The following ARHGAP31 variants were observed in gnomAD, a reference collection of about 807,000 sequenced individuals.
ARHGAP31 encodes Rho GTPase activating protein 31.
Under a neutral mutation model 113.9 loss-of-function variants are expected in ARHGAP31, and 34 were observed. The ratio of observed to expected loss-of-function variants is 0.30; its 90% CI spans 0.23 to 0.40. The LOEUF is 0.40. Ranked by LOEUF, ARHGAP31 falls within the 10% of genes least tolerant of loss-of-function variation. ARHGAP31 has a pLI of 1.00. For synonymous variants in ARHGAP31, 650 were observed against 684.8 expected, an observed-to-expected ratio of 0.95 and a Z score of 0.79; for missense variants, 1,548 against 1,767.1, an observed-to-expected ratio of 0.88 and a Z score of 2.22.
At chr3:119,337,158 G>C (rs114009754) in intron 1 of ARHGAP31, among the ~76,000 whole-genome samples, 1 of 152,132 alleles carries the variant, frequency 6.6e-6, no homozygotes, top group Non-Finnish European at 1.5e-5. Flanking sequence ...ATGAAGCCGC[G>C]GACCCTGGCA....
intron 1 of ARHGAP31, among the ~76,000 whole-genome samples, chr3:119,346,519 C>T (rs1049326841): frequency 6.6e-6 from 1 of 152,232 alleles, no homozygotes; most frequent in Non-Finnish European, 1.5e-5. Context: ...ATTGAACTAA[C>T]TAGACTGTAA....
chr3:119,385,419 C>T (rs896547871), intron 6 of ARHGAP31, among the ~76,000 whole-genome samples: 1 of 152,048 alleles, frequency 6.6e-6, no homozygotes, highest in African/African-American at 2.4e-5. Flanking sequence ...TTCACATACA[C>T]GTTTTTGTTT....
chr3:119,321,007 C>T (rs993988913), intron 1 of ARHGAP31, among the ~76,000 whole-genome samples: 12 of 152,134 alleles, frequency 7.9e-5, no homozygotes, highest in Non-Finnish European at 1.5e-4. Flanking sequence ...TCCACCATGA[C>T]TTGTGGCCTC....
chr3:119,378,977 C>T (rs370650821), intron 3 of ARHGAP31, among the ~76,000 whole-genome samples: 3 of 152,360 alleles, frequency 2.0e-5, no homozygotes, highest in South Asian at 4.1e-4. Context: ...CCCAGTCCCA[C>T]GTTTCTCCCC....
At position 119,416,470 on chromosome 3, in the gene ARHGAP31, T is replaced by A; in HGVS notation, c.*206T>A. 1 of 694,124 alleles carries A rather than the reference T, an allele frequency of 1.4e-6. No homozygotes were observed. Among genetic ancestry groups the A allele is most frequent in the Non-Finnish European group, 2.4e-6 (1 of 416,796 alleles). 43.0% of individuals were successfully genotyped at this position (694,124 alleles called of 1,614,324 possible). On this transcript the variant is annotated 3_prime_UTR_variant, in exon 12 of 12. Coordinates refer to ENST00000264245, the MANE Select transcript of ARHGAP31 (RefSeq NM_020754.4). ...GGAAAAACGAGAGATGAAATTTAGT[T>A]AAGTCTATGTGAGCAAGTGAGAGAA...
rs1029960572 is a variant in ARHGAP31 at position 119,414,740 on chromosome 3, C to A, written c.2811C>A (p.His937Gln). The A allele has an allele frequency of 1.2e-6, 2 of 1,614,192 alleles. No homozygotes were observed. Among genetic ancestry groups the A allele is most frequent in the South Asian group, 2.2e-5 (2 of 91,076 alleles). The change falls in exon 12 of 12, where the codon CAC becomes CAA. Residue 937 changes from histidine to glutamine, a missense_variant. Coordinates refer to ENST00000264245, the MANE Select transcript of ARHGAP31 (RefSeq NM_020754.4). ...CCCAGGTACAGGGCCTTCAGGGTCACCAGTTGGAGAAGAGGCTTTCCCACA... is the reference window on the plus strand; with the variant it reads ...CCCAGGTACAGGGCCTTCAGGGTCAACAGTTGGAGAAGAGGCTTTCCCACA... ...HKAQVQGLQGHQLEKRLSHRP... is the reference protein window; with the variant it reads ...HKAQVQGLQGQQLEKRLSHRP...
chr3:119,361,726 G>A (rs1054360412), intron 1 of ARHGAP31, among the ~76,000 whole-genome samples: 1 of 152,150 alleles, frequency 6.6e-6, no homozygotes, highest in African/African-American at 2.4e-5. Context: ...GAGGATGCCG[G>A]GCTGCAGGAC....
intron 1 of ARHGAP31, among the ~76,000 whole-genome samples, chr3:119,359,172 C>G (rs768741485): frequency 9.9e-5 from 15 of 152,090 alleles, no homozygotes; most frequent in Admixed American, 5.9e-4. Flanking sequence ...CGTGCACCAC[C>G]ATGCCCGGCT....
chr3:119,409,214 T>G (rs2080692134), intron 10 of ARHGAP31, among the ~76,000 whole-genome samples: 2 of 152,170 alleles, frequency 1.3e-5, no homozygotes, highest in Admixed American at 1.3e-4. Context: ...CATTGCCAAA[T>G]GTCCACTGGA....
rs755079949 is a variant in ARHGAP31, at chr3:119,402,352, G to A, written c.1600G>A (p.Gly534Ser). 5.2e-5 allele frequency: 84 copies of A among 1,613,690 alleles called. No homozygotes were observed. In the Middle Eastern group the frequency reaches 1.3e-3, roughly 25 times the overall value. Reference protein sequence around the residue: ...EFSFHGSESGGWPEEEKPLGA... With the variant: ...EFSFHGSESGSWPEEEKPLGA... Reference sequence around the variant, plus strand: ...TTCTTTTCATGGATCAGAGAGCGGAGGCTGGCCAGAAGAAGAGAAACCGCT... The same window carrying A: ...TTCTTTTCATGGATCAGAGAGCGGAAGCTGGCCAGAAGAAGAGAAACCGCT... The change falls in exon 10 of 12, where the codon GGC becomes AGC. Residue 534 changes from glycine (G) to serine (S), a missense_variant. Gly to Ser is a moderately conservative substitution (Grantham distance 56). Coordinates refer to ENST00000264245, the MANE Select transcript of ARHGAP31 (RefSeq NM_020754.4).
intron 7 of ARHGAP31, among the ~76,000 whole-genome samples, chr3:119,392,020 C>T (rs1255154843): frequency 6.6e-6 from 1 of 152,156 alleles, no homozygotes; most frequent in Non-Finnish European, 1.5e-5. Context: ...GTGCTTTCAA[C>T]CACATCTCGG....
Position 119,414,100 on chromosome 3 carries a change from A to G in ARHGAP31, c.2171A>G (p.Asn724Ser), listed in dbSNP as rs1264560025. ...PLEVWTRDPANQSTQGASTAA... is the reference protein window; with the variant it reads ...PLEVWTRDPASQSTQGASTAA... ...GAGGTGTGGACTAGGGATCCAGCCA[A>G]TCAGAGCACACAGGGGGCTTCCACA... is the stretch of plus-strand genomic sequence containing the variant. Residue 724 changes from asparagine (N) to serine (S), a missense_variant, in exon 12 of 12, where the codon AAT becomes AGT. Coordinates refer to ENST00000264245, the MANE Select transcript of ARHGAP31 (RefSeq NM_020754.4). The G allele has an allele frequency of 6.2e-7, 1 of 1,614,178 alleles. No homozygotes were observed. The highest frequency in any genetic ancestry group is 8.5e-7 in the Non-Finnish European group (1 of 1,180,026).
intron 8 of ARHGAP31, among the ~76,000 whole-genome samples, chr3:119,397,500 CA>C (rs1317610663): frequency 1.3e-5 from 2 of 152,198 alleles, no homozygotes; most frequent in Non-Finnish European, 2.9e-5. Flanking sequence ...GGCAGTAAAT[CA>C]ATTTATAGAT....
intron 1 of ARHGAP31, among the ~76,000 whole-genome samples, chr3:119,305,170 C>T (rs138173501): frequency 6.6e-6 from 1 of 152,306 alleles, no homozygotes; most frequent in East Asian, 1.9e-4. Context: ...AATTCTCCTT[C>T]CATGGCTTTG....
chr3:119,348,500 T>C (rs2080082198), intron 1 of ARHGAP31, among the ~76,000 whole-genome samples: 1 of 152,152 alleles, frequency 6.6e-6, no homozygotes, highest in Non-Finnish European at 1.5e-5. Context: ...GCCTTAATCC[T>C]AAAAAGAGTT....
chr3:119,372,088 C>T (rs1012852398), intron 3 of ARHGAP31, among the ~76,000 whole-genome samples: 18 of 152,086 alleles, frequency 1.2e-4, no homozygotes, highest in Admixed American at 4.6e-4. Context: ...ATGCGTCTTA[C>T]GGTAGAACAA....
At chr3:119,329,690 TG>T in intron 1 of ARHGAP31, 1 of 593,646 alleles carries the variant, frequency 1.7e-6, no homozygotes, top group Non-Finnish European at 2.1e-6. Context: ...AAGGTTACAG[TG>T]GGGAACTTCG....
chr3:119,311,144 A>C (rs1426821839), intron 1 of ARHGAP31, among the ~76,000 whole-genome samples: 1 of 152,186 alleles, frequency 6.6e-6, no homozygotes. Flanking sequence ...TTTCTGCCCT[A>C]GAGTAGACCT....
chr3:119,393,478 C>A lies in ARHGAP31; in HGVS notation c.893C>A (p.Ser298Tyr). 6.2e-7 allele frequency: 1 copy of A among 1,614,130 alleles called. No individual in the cohort carries two copies. Residue 298 changes from serine to tyrosine, a missense_variant, in exon 8 of 12, where the codon TCC (serine) becomes TAC (tyrosine). Transcript: ENST00000264245. ...LELPDNKRKL[S>Y]SKSKKWKSIF... ...CTTGGTTCTTTTAGGCGAAAGCTCT[C>A]CAGTAAATCAAAGAAGTGGAAATCA...
Sources: gnomAD v4.1 joint callset for allele counts (sites outside exome capture counted in the v4.1 genomes callset) on GRCh38, gnomAD v4.1.1 for gene constraint, MANE v1.5 for transcripts, NCBI Gene and HGNC (gene_info 2026-07-23, HGNC 2026-07-21) for gene names.